ZNF804B: variants seen among roughly 807,000 people sequenced by gnomAD.
The protein encoded by ZNF804B is zinc finger protein 804B.
In ZNF804B, 80 loss-of-function variants were observed where a neutral mutation model predicts 101.4. That is an observed-to-expected ratio of 0.79 (90% CI 0.66 to 0.95). ZNF804B has a LOEUF of 0.95. Among genes scored for constraint, ZNF804B ranks in the 40% least tolerant of loss-of-function variants. The pLI is 0.00. For missense variants in ZNF804B, 1,673 were observed against 1,561.9 expected (o/e 1.07, Z -1.20); for synonymous variants, 622 against 558.8 (o/e 1.11, Z -1.59).
At chr7:88,786,032 A>G (rs2115671586) in intron 1 of ZNF804B, among the ~76,000 whole-genome samples, 1 of 152,256 alleles carries the variant, frequency 6.6e-6, no homozygotes, top group Admixed American at 6.6e-5. Context: ...TCTCTAAGGT[A>G]GAAATTATGC....
At chr7:89,007,446 T>TTATATATATA (rs61374091) in intron 1 of ZNF804B, among the ~76,000 whole-genome samples, 1,155 of 57,046 alleles carry the variant, frequency 0.02, 23 homozygotes, top group East Asian at 0.058. Flanking sequence ...ATCCATGATT[T>TTATATATATA]TATATATATA....
chr7:89,308,663 A>G (rs922040607), intron 2 of ZNF804B, among the ~76,000 whole-genome samples: 1 of 152,058 alleles, frequency 6.6e-6, no homozygotes, highest in African/African-American at 2.4e-5. Flanking sequence ...GGAACTAACC[A>G]CCTCCCTCAT....
At chr7:89,263,422 G>A (rs1363954281) in intron 2 of ZNF804B, among the ~76,000 whole-genome samples, 1 of 151,964 alleles carries the variant, frequency 6.6e-6, no homozygotes, top group Non-Finnish European at 1.5e-5. Flanking sequence ...GTGACTTTTT[G>A]TTTTTAGTGG....
At chr7:89,265,265 AGTGT>A (rs71102029) in intron 2 of ZNF804B, among the ~76,000 whole-genome samples, 44,980 of 145,070 alleles carry the variant, frequency 0.31, 6,846 homozygotes, top group African/African-American at 0.35. Context: ...AGGTTAAGTC[AGTGT>A]GTGTGTGTGT....
At chr7:89,020,378 A>G (rs1788647192) in intron 1 of ZNF804B, among the ~76,000 whole-genome samples, 1 of 151,962 alleles carries the variant, frequency 6.6e-6, no homozygotes, top group Non-Finnish European at 1.5e-5. Flanking sequence ...AGTATTTTGA[A>G]TATATTATTC....
rs1171165341 is a variant in ZNF804B at position 89,298,216 on chromosome 7, G to GTATATATATATATA, written c.250-29099_250-29086dup. Among the ~76,000 whole-genome samples, 51 of 27,516 alleles carry GTATATATATATATA rather than the reference G, an allele frequency of 1.9e-3. 2 individuals carry two copies. Among genetic ancestry groups the GTATATATATATATA allele is most frequent in the Non-Finnish European group, 2.5e-3 (41 of 16,642 alleles). 18.1% of individuals were successfully genotyped at this position (27,516 alleles called of 152,430 possible). A position where few individuals can be genotyped will look rare whatever the true frequency, so the allele number is the denominator to read the frequency against. The stretch of plus-strand genomic sequence containing the variant: ...ATATCTATATAGTGTGTGTGTGTGT[G>GTATATATATATATA]TATATATATATATATATATATATAT... On this transcript the variant is annotated intron_variant, in intron 2 of 3. Coordinates refer to ENST00000333190, the MANE Select transcript of ZNF804B (RefSeq NM_181646.5).
chr7:89,215,883 C>CTAAA (rs71102024), intron 1 of ZNF804B, among the ~76,000 whole-genome samples: 3,031 of 142,972 alleles, frequency 0.021, 41 homozygotes, highest in East Asian at 0.049. Flanking sequence ...GACTCCGTCT[C>CTAAA]TAAATAAATA....
chr7:89,067,847 A>AG, intron 1 of ZNF804B, among the ~76,000 whole-genome samples: 1 of 130,794 alleles, frequency 7.6e-6, no homozygotes, highest in South Asian at 2.4e-4. Flanking sequence ...TTTTTGAGAC[A>AG]GAGTCTTACT....
intron 1 of ZNF804B, among the ~76,000 whole-genome samples, chr7:88,881,609 G>A (rs888769778): frequency 2.0e-5 from 3 of 152,164 alleles, no homozygotes; most frequent in Non-Finnish European, 1.5e-5. Flanking sequence ...TTAGGCTACA[G>A]ATTCTTTCCT....
chr7:89,312,337 C>A (rs1017213111), intron 2 of ZNF804B, among the ~76,000 whole-genome samples: 2 of 152,166 alleles, frequency 1.3e-5, no homozygotes, highest in Admixed American at 1.3e-4. Context: ...ATTGTCCAAG[C>A]ACAAATGGCT....
intron 1 of ZNF804B, among the ~76,000 whole-genome samples, chr7:89,216,586 T>C (rs900472905): frequency 6.6e-6 from 1 of 152,178 alleles, no homozygotes; most frequent in Admixed American, 6.5e-5. Flanking sequence ...TTTAACTCTC[T>C]TAGGTAGGCA....
chr7:88,854,417 T>TTC (rs1173360624), intron 1 of ZNF804B, among the ~76,000 whole-genome samples: 23 of 81,970 alleles, frequency 2.8e-4, no homozygotes, highest in African/African-American at 8.1e-4. Flanking sequence ...CTTTCTTCCT[T>TTC]TCTTTCTTTC....
At chr7:88,836,016 G>C (rs1174802858) in intron 1 of ZNF804B, among the ~76,000 whole-genome samples, 2 of 151,858 alleles carry the variant, frequency 1.3e-5, no homozygotes, top group Non-Finnish European at 2.9e-5. Context: ...TGTTGTAGCA[G>C]ATATTTTCTT....
At chr7:88,975,032 T>G (rs182479639) in intron 1 of ZNF804B, among the ~76,000 whole-genome samples, 2 of 151,692 alleles carry the variant, frequency 1.3e-5, no homozygotes, top group East Asian at 3.9e-4. Flanking sequence ...TATGTGAAAT[T>G]TGTCTTTCCA....
At chr7:89,037,730 G>A (rs1788950722) in intron 1 of ZNF804B, among the ~76,000 whole-genome samples, 1 of 151,956 alleles carries the variant, frequency 6.6e-6, no homozygotes, top group African/African-American at 2.4e-5. Context: ...TAGTCACCAT[G>A]CTATATATTA....
At chr7:89,256,062 A>G (rs1789627940) in intron 2 of ZNF804B, among the ~76,000 whole-genome samples, 1 of 152,172 alleles carries the variant, frequency 6.6e-6, no homozygotes, top group African/African-American at 2.4e-5. Context: ...TGCTGGGATG[A>G]TTTTAATGAT....
chr7:89,158,768 C>T (rs1465182882), intron 1 of ZNF804B, among the ~76,000 whole-genome samples: 1 of 152,106 alleles, frequency 6.6e-6, no homozygotes, highest in Non-Finnish European at 1.5e-5. Context: ...TTTGCACAAA[C>T]TTTCTTTCTA....
intron 1 of ZNF804B, among the ~76,000 whole-genome samples, chr7:88,950,539 A>G (rs1034335361): frequency 2.6e-5 from 4 of 151,912 alleles, no homozygotes; most frequent in African/African-American, 4.8e-5. Flanking sequence ...TGTAGAACAT[A>G]TAAGACTTAA....
intron 1 of ZNF804B, among the ~76,000 whole-genome samples, chr7:89,000,324 A>G (rs866914768): frequency 5.3e-5 from 8 of 151,996 alleles, no homozygotes; most frequent in South Asian, 2.1e-4. Context: ...TATAATTATG[A>G]CTGATTCACA....
Sources: allele counts gnomAD v4.1 joint callset (sites outside exome capture counted in the v4.1 genomes callset), GRCh38; gene constraint gnomAD v4.1.1; transcripts MANE v1.5; gene names NCBI Gene and HGNC (gene_info 2026-07-23, HGNC 2026-07-21).